ANK3: variants seen among roughly 807,000 people sequenced by gnomAD.
ANK3 encodes the protein ankyrin 3.
In ANK3, 57 loss-of-function variants were observed where a neutral mutation model predicts 370.9. The observed-to-expected ratio is 0.15, with a 90% CI of 0.12 to 0.19. ANK3 has a LOEUF of 0.19. Among genes scored for constraint, ANK3 ranks in the 10% least tolerant of loss-of-function variants. The pLI is 1.00. For synonymous variants in ANK3, 1,929 were observed against 1,946.3 expected (o/e 0.99, Z 0.23); for missense variants, 4,439 against 5,302.1 (o/e 0.84, Z 5.06).
At chr10:60,369,596 C>G (rs531612983) in intron 1 of ANK3, among the ~76,000 whole-genome samples, 1 of 152,102 alleles carries the variant, frequency 6.6e-6, no homozygotes, top group South Asian at 2.1e-4. Context: ...CACAATTATT[C>G]TTATTATAAA....
chr10:60,446,095 G>A (rs925556729), intron 2 of ANK3, among the ~76,000 whole-genome samples: 1 of 152,166 alleles, frequency 6.6e-6, no homozygotes, highest in African/African-American at 2.4e-5. Context: ...CAAATCTGGT[G>A]CCTTGATGCG....
Position 60,207,976 on chromosome 10 carries a change from C to G in ANK3, c.1194+60G>C, listed in dbSNP as rs2096791192. ...CTCCTCAAAGCATTCCCTTCACATACAGAGGCAGCACGTTGTGAGCAAGAC... is the reference window on the plus strand; with the variant it reads ...CTCCTCAAAGCATTCCCTTCACATAGAGAGGCAGCACGTTGTGAGCAAGAC... On this transcript the variant is annotated intron_variant, in intron 10 of 43. Coordinates refer to ENST00000280772, the MANE Select transcript of ANK3 (RefSeq NM_020987.5). 20 of 1,436,510 alleles carry G rather than the reference C, an allele frequency of 1.4e-5. No individual in the cohort carries two copies. The Admixed American group carries it at 1.7e-4, about 12-fold the overall frequency. 89.0% of individuals were successfully genotyped at this position (1,436,510 alleles called of 1,614,324 possible). A position where few individuals can be genotyped will look rare whatever the true frequency, so the allele number is the denominator to read the frequency against.
rs1431821803 is a variant in ANK3, at chr10:60,270,920, A to T, written c.415-691T>A. On this transcript the variant is annotated intron_variant, in intron 4 of 43. Transcript: ENST00000280772. ...GTAGTTTAATGTTCAGAATACATAT[A>T]TGGATACATATTACATGTACATACA... 6.6e-5 allele frequency among the ~76,000 whole-genome samples: 10 copies of T among 152,248 alleles called. No homozygotes were observed. The East Asian group carries it at 1.9e-3, about 29-fold the overall frequency.
chr10:60,523,591 A>C (rs1351023462), intron 2 of ANK3, among the ~76,000 whole-genome samples: 1 of 151,506 alleles, frequency 6.6e-6, no homozygotes, highest in Non-Finnish European at 1.5e-5. Flanking sequence ...TTATGGCTGC[A>C]TAGTATTCCA....
intron 7 of ANK3, among the ~76,000 whole-genome samples, chr10:60,254,356 CAAAGT>C (rs376806705): frequency 1.3e-5 from 2 of 151,802 alleles, no homozygotes; most frequent in African/African-American, 4.8e-5. Context: ...CTACACAAAC[CAAAGT>C]AGAGTCTCCA....
chr10:60,146,011 G>T, intron 23 of ANK3: 2 of 1,241,150 alleles, frequency 1.6e-6, no homozygotes, highest in Non-Finnish European at 2.3e-6. Context: ...TGTACCATGT[G>T]CATCTATTAC....
At chr10:60,387,696 T>A (rs957548725) in intron 1 of ANK3, among the ~76,000 whole-genome samples, 1 of 152,196 alleles carries the variant, frequency 6.6e-6, no homozygotes, top group Non-Finnish European at 1.5e-5. Flanking sequence ...GAGATTTACA[T>A]TGGACAGACT....
rs371681480 is a variant in ANK3, at chr10:60,442,011, C to T, written c.97-162372G>A. Among the ~76,000 whole-genome samples the T allele has an allele frequency of 5.3e-5, 8 of 151,938 alleles. No individual in the cohort carries two copies. The East Asian group carries it at 5.8e-4, about 11-fold the overall frequency. ...ACGAGATTGGTTTCAGGACCCCCTG[C>T]AGACCCCAAAATTCAAGGATGCTCA... On this transcript the variant is annotated intron_variant, in intron 2 of 43. Coordinates refer to the ANK3 transcript ENST00000373827.
At position 60,073,383 on chromosome 10, in the gene ANK3, T is replaced by C. The variant is rs767237165; in HGVS notation, c.7498A>G (p.Lys2500Glu). The change falls in exon 37 of 44, where the codon AAG becomes GAG. Residue 2500 changes from lysine to glutamate, a missense_variant. Coordinates refer to ENST00000280772, the MANE Select transcript of ANK3 (RefSeq NM_020987.5). ...GTGGCTATTTTTTCTCTGGACCGCT[T>C]ATCAGACCCCTGTAACTCTGAGCTA... ...PPSSELQGSDKRSREKIATAP... is the reference protein window; with the variant it reads ...PPSSELQGSDERSREKIATAP... 1 of 1,613,898 alleles carries C rather than the reference T, an allele frequency of 6.2e-7. No homozygotes were observed. Among genetic ancestry groups the C allele is most frequent in the Non-Finnish European group, 8.5e-7 (1 of 1,180,010 alleles).
intron 9 of ANK3, among the ~76,000 whole-genome samples, chr10:60,211,680 CAT>C (rs924775952): frequency 3.3e-5 from 5 of 152,030 alleles, no homozygotes; most frequent in African/African-American, 1.2e-4. Context: ...TGTATTCACA[CAT>C]GTGTGCACTG....
At chr10:60,138,733 GA>G (rs34953408) in intron 24 of ANK3, 247,332 of 497,128 alleles carry the variant, frequency 0.5, 55,191 homozygotes, top group East Asian at 0.79. Context: ...TGCAAAGTGG[GA>G]AAAAAAAAAA....
At chr10:60,293,385 T>C (rs775027484) in intron 1 of ANK3, among the ~76,000 whole-genome samples, 70 of 152,226 alleles carry the variant, frequency 4.6e-4, no homozygotes, top group Non-Finnish European at 9.4e-4. Context: ...GATTAACTCT[T>C]AGTCTTAATA....
rs546473891 is a variant in ANK3, at chr10:60,071,669, A to G, written c.9212T>C (p.Ile3071Thr). 31 of 1,606,940 alleles carry G rather than the reference A, an allele frequency of 1.9e-5. No homozygotes were observed. The East Asian group carries it at 3.3e-4, about 17-fold the overall frequency. The change falls in exon 37 of 44, where the codon ATT becomes ACT. Residue 3071 changes from isoleucine (I) to threonine (T), a missense_variant. Ile to Thr is a moderately conservative substitution (Grantham distance 89). This residue lies in a region of ANK3 where 1,601 missense variants were observed against 1,731.7 expected (regional missense o/e 0.92). Coordinates refer to ENST00000280772, the MANE Select transcript of ANK3 (RefSeq NM_020987.5). ...TGGTGCGAGTTTTTCCAATCCATCA[A>G]TGGGACTGTGGTCGAATACATCACT... ...PSSDVFDHSP[I>T]DGLEKLAPLA...
At chr10:60,060,811 G>GAGAT (rs1222425089) in intron 40 of ANK3, 1 of 152,152 alleles carries the variant, frequency 6.6e-6, no homozygotes, top group Non-Finnish European at 1.5e-5. Flanking sequence ...ATACACAACA[G>GAGAT]AGATAGTAGG....
intron 1 of ANK3, among the ~76,000 whole-genome samples, chr10:60,705,334 A>T (rs1223930468): frequency 7.3e-6 from 1 of 137,190 alleles, no homozygotes; most frequent in Non-Finnish European, 1.6e-5. Context: ...TGATGATAAT[A>T]ATAACAAACA....
At chr10:60,140,233 A>T in intron 23 of ANK3, 1 of 1,080,800 alleles carries the variant, frequency 9.3e-7, no homozygotes, top group Non-Finnish European at 1.4e-6. Context: ...TCAACTTTCT[A>T]CTGCTGCTAC....
intron 2 of ANK3, among the ~76,000 whole-genome samples, chr10:60,395,618 T>TTCTCTC (rs71015791): frequency 9.8e-4 from 124 of 126,274 alleles, no homozygotes; most frequent in Non-Finnish European, 1.0e-3. Flanking sequence ...CTCTCTTTCG[T>TTCTCTC]TCTCTCTCTC....
At chr10:60,536,680 T>C (rs755242390) in intron 2 of ANK3, among the ~76,000 whole-genome samples, 1 of 151,984 alleles carries the variant, frequency 6.6e-6, no homozygotes, top group Non-Finnish European at 1.5e-5. Context: ...CCACTTCTAC[T>C]GAAAAGAGGG....
intron 16 of ANK3, among the ~76,000 whole-genome samples, chr10:60,192,685 T>G (rs145097892): frequency 2.0e-5 from 3 of 152,034 alleles, no homozygotes; most frequent in African/African-American, 7.2e-5. Flanking sequence ...CATTGGAGAC[T>G]TGGAAAGGTG....
Sources: allele counts gnomAD v4.1 joint callset (sites outside exome capture counted in the v4.1 genomes callset), GRCh38; gene constraint gnomAD v4.1.1; regional missense constraint gnomAD v4.1.1; transcripts MANE v1.5; gene names NCBI Gene and HGNC (gene_info 2026-07-23, HGNC 2026-07-21).